Variants in RBM6 observed in about 807,000 individuals in gnomAD.
The protein encoded by RBM6 is RNA-binding protein 6.
Under a neutral mutation model 140.4 loss-of-function variants are expected in RBM6, and 23 were observed. The ratio of observed to expected loss-of-function variants is 0.16; its 90% CI spans 0.12 to 0.23. The LOEUF (loss-of-function observed/expected upper bound fraction) is 0.23. Among genes scored for constraint, RBM6 ranks in the 10% least tolerant of loss-of-function variants. RBM6 has a pLI of 1.00. For synonymous variants in RBM6, 439 were observed against 475.6 expected, an observed-to-expected ratio of 0.92 and a Z score of 1.00; for missense variants, 1,139 against 1,386.7, an observed-to-expected ratio of 0.82 and a Z score of 2.84.
At chr3:49,982,305 C>T (rs1485408489) in intron 5 of RBM6, among the ~76,000 whole-genome samples, 1 of 79,200 alleles carries the variant, frequency 1.3e-5, no homozygotes, top group Non-Finnish European at 2.3e-5. Flanking sequence ...GAAACAAGGT[C>T]TTGCTTTGTT....
chr3:50,014,301 C>A (rs2087004378), intron 6 of RBM6, among the ~76,000 whole-genome samples: 3 of 152,092 alleles, frequency 2.0e-5, no homozygotes, highest in Admixed American at 1.3e-4. Context: ...TAGAATAAGA[C>A]CTATTTTGAT....
At chr3:50,023,197 TTCC>T (rs2087605103) in intron 6 of RBM6, among the ~76,000 whole-genome samples, 1 of 152,178 alleles carries the variant, frequency 6.6e-6, no homozygotes, top group Non-Finnish European at 1.5e-5. Flanking sequence ...TTTCACGTTC[TTCC>T]TCCTCCTTCT....
At chr3:50,008,546 CTTTTTTTTTTT>C (rs5848909) in intron 6 of RBM6, among the ~76,000 whole-genome samples, 103 of 73,720 alleles carry the variant, frequency 1.4e-3, no homozygotes, top group African/African-American at 5.0e-3. Flanking sequence ...TCTTTTGTAA[CTTTTTTTTTTT>C]TTTTTTTTTT....
intron 6 of RBM6, among the ~76,000 whole-genome samples, chr3:50,035,274 A>C (rs2088461003): frequency 6.6e-6 from 1 of 152,074 alleles, no homozygotes; most frequent in Admixed American, 6.6e-5. Flanking sequence ...TACACTTGGA[A>C]GAGGGCCAAG....
At chr3:49,990,207 A>G (rs944581132) in intron 5 of RBM6, among the ~76,000 whole-genome samples, 1 of 152,196 alleles carries the variant, frequency 6.6e-6, no homozygotes, top group Admixed American at 6.5e-5. Flanking sequence ...TGTAAACATC[A>G]TAGGGTATAT....
intron 5 of RBM6, among the ~76,000 whole-genome samples, chr3:49,983,015 A>AT (rs562589192): frequency 1.0e-3 from 156 of 150,200 alleles, no homozygotes; most frequent in African/African-American, 3.3e-3. Flanking sequence ...CCTGGCCTAA[A>AT]TTTTTTTTTT....
At chr3:49,962,218 C>T (rs569126503) in intron 1 of RBM6, among the ~76,000 whole-genome samples, 1 of 149,454 alleles carries the variant, frequency 6.7e-6, no homozygotes, top group Non-Finnish European at 1.5e-5. Context: ...TTTGGGAGGC[C>T]TAGGTGGGCG....
intron 6 of RBM6, among the ~76,000 whole-genome samples, chr3:50,044,576 C>T (rs948341836): frequency 7.4e-5 from 11 of 148,868 alleles, no homozygotes; most frequent in African/African-American, 2.5e-4. Context: ...AGCGAGACTC[C>T]GTCTCAAAAA....
In RBM6 at chr3:49,968,063, C is replaced by T. The variant is rs1486139103; in HGVS notation, c.638C>T (p.Ser213Phe). 6.2e-7 allele frequency: 1 copy of T among 1,614,112 alleles called. No homozygotes were observed. The highest frequency in any genetic ancestry group is 1.7e-5 in the Admixed American group (1 of 60,006). ...LDFRAREQSR[S>F]DFRNRDVSDL... ...TTTAGGGCCAGAGAACAGTCCCGTT[C>T]TGATTTTAGGAATAGAGATGTATCT... is the stretch of plus-strand genomic sequence containing the variant. The change falls in exon 3 of 21, where the codon TCT becomes TTT. Residue 213 changes from serine to phenylalanine, a missense_variant. By Grantham distance (155) the Ser-to-Phe change is radical (BLOSUM62 -2). Coordinates refer to ENST00000266022, the MANE Select transcript of RBM6 (RefSeq NM_005777.3).
At chr3:49,956,028 A>AT (rs1199817964) in intron 1 of RBM6, among the ~76,000 whole-genome samples, 61 of 146,644 alleles carry the variant, frequency 4.2e-4, no homozygotes, top group East Asian at 2.2e-3. Flanking sequence ...GTGAAAAAAA[A>AT]TTTTTTTTTT....
intron 5 of RBM6, among the ~76,000 whole-genome samples, chr3:49,988,335 G>A (rs1575620966): frequency 6.6e-6 from 1 of 152,024 alleles, no homozygotes; most frequent in African/African-American, 2.4e-5. Context: ...TGTAGACATG[G>A]GGGTCACTGT....
intron 1 of RBM6, among the ~76,000 whole-genome samples, chr3:49,952,874 T>C (rs1024850316): frequency 2.0e-5 from 3 of 152,292 alleles, no homozygotes; most frequent in African/African-American, 7.2e-5. Flanking sequence ...ATATGTAATT[T>C]GCACAAATTT....
At chr3:50,046,486 G>A (rs1310420851) in intron 6 of RBM6, among the ~76,000 whole-genome samples, 2 of 151,492 alleles carry the variant, frequency 1.3e-5, no homozygotes, top group African/African-American at 4.9e-5. Flanking sequence ...GGCTGAGGCA[G>A]GAGACTCGCT....
At chr3:49,972,015 C>A (rs905193347) in intron 3 of RBM6, 44 bp from the exon 4 acceptor site, 2 of 1,384,290 alleles carry the variant, frequency 1.4e-6, no homozygotes, top group Non-Finnish European at 2.0e-6. Context: ...GTGTTTTGTG[C>A]AGTAAAGTAT....
intron 5 of RBM6, among the ~76,000 whole-genome samples, chr3:49,996,332 T>C (rs2086085844): frequency 6.6e-6 from 1 of 152,232 alleles, no homozygotes; most frequent in African/African-American, 2.4e-5. Context: ...GTTCTTCACC[T>C]TGGGGTCTTC....
chr3:50,074,519 C>G (rs1264360390), intron 19 of RBM6, among the ~76,000 whole-genome samples: 1 of 151,976 alleles, frequency 6.6e-6, no homozygotes. Flanking sequence ...CAGGGTTTCT[C>G]CATGTTGGTC....
chr3:50,061,407 A>T, intron 13 of RBM6, 55 bp from the exon 14 acceptor site: 1 of 1,584,890 alleles, frequency 6.3e-7, no homozygotes, highest in Non-Finnish European at 8.5e-7. Context: ...ATGAGTCTCC[A>T]GTAAGGGCTT....
At chr3:50,049,201 C>T (rs1055729444) in intron 7 of RBM6, among the ~76,000 whole-genome samples, 6 of 149,876 alleles carry the variant, frequency 4.0e-5, no homozygotes, top group African/African-American at 9.9e-5. Flanking sequence ...CTCTGCCACC[C>T]GGGTTCAAAC....
chr3:50,009,203 T>C (rs1294024456), intron 6 of RBM6, among the ~76,000 whole-genome samples: 3 of 152,100 alleles, frequency 2.0e-5, no homozygotes, highest in African/African-American at 7.2e-5. Flanking sequence ...AGCAAGAGAG[T>C]TGGGCTAACA....
Sources: gnomAD v4.1 joint callset for allele counts (sites outside exome capture counted in the v4.1 genomes callset) on GRCh38, gnomAD v4.1.1 for gene constraint, MANE v1.5 for transcripts, NCBI Gene and HGNC (gene_info 2026-07-23, HGNC 2026-07-21) for gene names.